The following DCAF6 variants were observed in gnomAD, a reference collection of about 807,000 sequenced individuals.
The protein encoded by DCAF6 is DDB1- and CUL4-associated factor 6.
DCAF6 carries 54 observed loss-of-function variants against 125.1 expected under a neutral mutation model. That is an observed-to-expected ratio of 0.43 (90% CI 0.35 to 0.54). DCAF6 has a LOEUF of 0.54. Ranked by LOEUF, DCAF6 falls within the 20% of genes least tolerant of loss-of-function variation. The pLI is 0.01. For missense variants in DCAF6, 934 were observed against 1,161.7 expected (o/e 0.80, Z 2.85); for synonymous variants, 371 against 390.4 (o/e 0.95, Z 0.58).
At chr1:167,982,097 T>C (rs1366592391) in intron 4 of DCAF6, among the ~76,000 whole-genome samples, 1 of 152,190 alleles carries the variant, frequency 6.6e-6, no homozygotes, top group East Asian at 1.9e-4. Flanking sequence ...CTCATTGTGG[T>C]TTTGATTTGC....
intron 21 of DCAF6, among the ~76,000 whole-genome samples, chr1:168,070,859 C>G (rs768061922): frequency 2.7e-4 from 41 of 152,292 alleles, no homozygotes; most frequent in Non-Finnish European, 4.1e-4. Context: ...CCTTTGCCCA[C>G]ACATGTTCTT....
At chr1:167,944,333 G>A (rs750396803) in intron 1 of DCAF6, among the ~76,000 whole-genome samples, 1 of 152,072 alleles carries the variant, frequency 6.6e-6, no homozygotes, top group Non-Finnish European at 1.5e-5. Flanking sequence ...TAAAAATCTA[G>A]TAGTGGGATT....
chr1:167,945,799 C>CT (rs780562598), intron 1 of DCAF6, among the ~76,000 whole-genome samples: 11,295 of 139,378 alleles, frequency 0.081, 504 homozygotes, highest in Middle Eastern at 0.13. Context: ...CACACCCGGC[C>CT]TTTTTTTTTT....
chr1:168,074,752 T>C (rs2102051299), intron 21 of DCAF6, among the ~76,000 whole-genome samples: 1 of 152,244 alleles, frequency 6.6e-6, no homozygotes, highest in African/African-American at 2.4e-5. Flanking sequence ...GAGTAAACCT[T>C]TATAGCTAAA....
intron 4 of DCAF6, among the ~76,000 whole-genome samples, chr1:167,979,747 C>T (rs1203869298): frequency 3.3e-5 from 5 of 152,120 alleles, no homozygotes; most frequent in South Asian, 2.1e-4. Context: ...ATTAGCCAGG[C>T]GTGGTGGCAG....
At chr1:167,990,765 T>G (rs1237241417) in intron 5 of DCAF6, among the ~76,000 whole-genome samples, 1 of 152,218 alleles carries the variant, frequency 6.6e-6, no homozygotes, top group Non-Finnish European at 1.5e-5. Context: ...AAAGTAATTT[T>G]TATTTTTTCC....
At chr1:168,009,342 C>T (rs1016557221) in intron 10 of DCAF6, among the ~76,000 whole-genome samples, 3 of 131,466 alleles carry the variant, frequency 2.3e-5, no homozygotes, top group South Asian at 2.7e-4. Context: ...TTCCTTCCTT[C>T]CTCCCTTCCT....
chr1:167,924,579 T>C, the DCAF6 span: 1 of 1,401,578 alleles, frequency 7.1e-7, no homozygotes, highest in Non-Finnish European at 9.6e-7. Flanking sequence ...ATAAACCAAA[T>C]ATATTATACA....
intron 1 of DCAF6, among the ~76,000 whole-genome samples, chr1:167,938,405 A>G (rs761396161): frequency 6.6e-5 from 10 of 152,226 alleles, no homozygotes; most frequent in Non-Finnish European, 1.3e-4. Flanking sequence ...ATTACATAGT[A>G]GGTAACATTA....
chr1:167,968,740 CTCCGTTT>C (rs1382444112), intron 3 of DCAF6, among the ~76,000 whole-genome samples: 2 of 152,236 alleles, frequency 1.3e-5, no homozygotes, highest in African/African-American at 4.8e-5. Flanking sequence ...AGGAAGCAAA[CTCCGTTT>C]TCCTGCATTA....
At chr1:168,004,258 C>T (rs1683038226) in intron 9 of DCAF6, among the ~76,000 whole-genome samples, 1 of 151,818 alleles carries the variant, frequency 6.6e-6, no homozygotes, top group East Asian at 1.9e-4. Context: ...TTTTTTAATG[C>T]ACTCTGAGAA....
At chr1:168,043,419 A>T (rs1285240694) in intron 14 of DCAF6, among the ~76,000 whole-genome samples, 1 of 152,098 alleles carries the variant, frequency 6.6e-6, no homozygotes, top group East Asian at 1.9e-4. Flanking sequence ...TGTTAGTTTG[A>T]ATTAGTCTTT....
At chr1:167,956,252 AAAT>A (rs1456718589) in intron 2 of DCAF6, among the ~76,000 whole-genome samples, 2 of 152,152 alleles carry the variant, frequency 1.3e-5, no homozygotes, top group Admixed American at 1.3e-4. Context: ...TATTTAGTAA[AAAT>A]AAACTATTCA....
chr1:167,962,612 A>G (rs1027339170), intron 2 of DCAF6, among the ~76,000 whole-genome samples: 1 of 152,180 alleles, frequency 6.6e-6, no homozygotes, highest in Non-Finnish European at 1.5e-5. Flanking sequence ...GATTTCTTGT[A>G]AACAACATAT....
the DCAF6 span, among the ~76,000 whole-genome samples, chr1:167,925,442 C>CATAT: frequency 0.065 from 5,336 of 82,124 alleles, 223 homozygotes; most frequent in Non-Finnish European, 0.079. Flanking sequence ...TACATATACA[C>CATAT]ATATATATAT....
intron 4 of DCAF6, among the ~76,000 whole-genome samples, chr1:167,981,381 C>T (rs908118571): frequency 1.3e-5 from 2 of 152,118 alleles, no homozygotes; most frequent in African/African-American, 2.4e-5. Flanking sequence ...TTTTTTTCCT[C>T]AACTTTTATT....
At chr1:167,937,711 G>A (rs1324646799) in intron 1 of DCAF6, among the ~76,000 whole-genome samples, 1 of 152,076 alleles carries the variant, frequency 6.6e-6, no homozygotes, top group Non-Finnish European at 1.5e-5. Flanking sequence ...CAGTACTTGG[G>A]GGAACAGTAT....
chr1:167,948,943 C>T (rs73024137), intron 1 of DCAF6, among the ~76,000 whole-genome samples: 15,185 of 152,174 alleles, frequency 0.1, 842 homozygotes, highest in African/African-American at 0.13. Context: ...TGAGCCACCA[C>T]GCACAGCAAT....
At chr1:168,003,208 A>G (rs1682882509) in intron 8 of DCAF6, among the ~76,000 whole-genome samples, 1 of 152,182 alleles carries the variant, frequency 6.6e-6, no homozygotes, top group Non-Finnish European at 1.5e-5. Context: ...AGAAAATGTA[A>G]GAAGAACCGA....
Sources: allele counts gnomAD v4.1 joint callset (sites outside exome capture counted in the v4.1 genomes callset), GRCh38; gene constraint gnomAD v4.1.1; transcripts MANE v1.5; gene names NCBI Gene and HGNC (gene_info 2026-07-23, HGNC 2026-07-21).